Variants in ASCC3 observed in about 807,000 individuals in gnomAD.
The protein encoded by ASCC3 is ASC-1 complex subunit P200.
ASCC3 carries 158 observed loss-of-function variants against 256.3 expected under a neutral mutation model. That is an observed-to-expected ratio of 0.62 (90% CI 0.54 to 0.70). ASCC3 has a LOEUF of 0.70. ASCC3 is among the 30% of genes least tolerant of loss of function. ASCC3 has a pLI of 0.00. For missense variants in ASCC3, 2,259 were observed against 2,626.0 expected (o/e 0.86, Z 3.05); for synonymous variants, 948 against 883.4 (o/e 1.07, Z -1.30).
At chr6:100,535,853 G>A (rs1030851168) in intron 37 of ASCC3, among the ~76,000 whole-genome samples, 23 of 152,116 alleles carry the variant, frequency 1.5e-4, no homozygotes, top group African/African-American at 3.6e-4. Flanking sequence ...TGGTCAAAAC[G>A]AATGCTTATA....
chr6:100,814,566 C>T (rs530934951), intron 4 of ASCC3, among the ~76,000 whole-genome samples: 1 of 152,160 alleles, frequency 6.6e-6, no homozygotes, highest in African/African-American at 2.4e-5. Flanking sequence ...TGAAACCATC[C>T]AGTCCTGAGC....
rs75882581 is a variant in ASCC3 at position 100,574,472 on chromosome 6, C to T, written c.5550+15162G>A. 5.6e-3 allele frequency among the ~76,000 whole-genome samples: 853 copies of T among 152,048 alleles called. 11 individuals are homozygous for T. The highest frequency in any genetic ancestry group is 0.019 in the African/African-American group (806 of 41,492). On this transcript the variant is annotated intron_variant, in intron 36 of 41. Coordinates refer to ENST00000369162, the MANE Select transcript of ASCC3 (RefSeq NM_006828.4). ...TATTATTTTTCCATAGTAGTTGTGT[C>T]ATCTTGGGCAAGGTTGGGCCATTTT...
intron 11 of ASCC3, among the ~76,000 whole-genome samples, chr6:100,721,911 C>A (rs1398409941): frequency 6.6e-6 from 1 of 151,570 alleles, no homozygotes; most frequent in East Asian, 1.9e-4. Context: ...TTTGCCAAGG[C>A]CAGTGTCAAG....
chr6:100,629,155 G>A lies in ASCC3; in HGVS notation c.4235C>T (p.Thr1412Ile), dbSNP rs1413098165. ...CTTGGCAATGGATTTCATATCAGGA[G>A]TCACATCCCCTGTTAGTTCAATAAC... ...KKVIELTGDV[T>I]PDMKSIAKAD... Residue 1412 changes from threonine to isoleucine, a missense_variant, in exon 27 of 42, where the codon ACT becomes ATT. Around this residue, in one of 2 missense-constraint regions of ASCC3, gnomAD observed 1,839 missense variants for 2,206.7 expected, o/e 0.83. Transcript: ENST00000369162. The A allele has an allele frequency of 1.2e-6, 2 of 1,613,416 alleles. No homozygotes were observed. The highest frequency in any genetic ancestry group is 2.7e-5 in the African/African-American group (2 of 74,874).
At chr6:100,629,848 A>T (rs1007374549) in intron 26 of ASCC3, among the ~76,000 whole-genome samples, 6 of 152,112 alleles carry the variant, frequency 3.9e-5, no homozygotes, top group African/African-American at 1.4e-4. Context: ...ATTACATAGG[A>T]TTAGCTCTGG....
Position 100,532,402 on chromosome 6 carries a change from ATATATTTT to A in ASCC3, c.5775+7753_5775+7760del, listed in dbSNP as rs1346063269. Among the ~76,000 whole-genome samples the A allele has an allele frequency of 8.7e-3, 541 of 62,288 alleles. 1 individual carries two copies. The highest frequency in any genetic ancestry group is 0.017 in the African/African-American group (259 of 14,972). 40.9% of individuals were successfully genotyped at this position (62,288 alleles called of 152,430 possible). ...TGTATATATATATATATATATATAT[ATATATTTT>A]TTTTTTTTTTTTTTTTTAAATTACA... is the stretch of plus-strand genomic sequence containing the variant. On this transcript the variant is annotated intron_variant, in intron 37 of 41. Coordinates refer to ENST00000369162, the MANE Select transcript of ASCC3 (RefSeq NM_006828.4).
At chr6:100,744,053 C>G (rs1045842438) in intron 10 of ASCC3, among the ~76,000 whole-genome samples, 8 of 152,172 alleles carry the variant, frequency 5.3e-5, no homozygotes, top group African/African-American at 1.9e-4. Context: ...ATACACAGTA[C>G]TTTATCAAGC....
chr6:100,622,980 T>C (rs981343251), intron 30 of ASCC3, among the ~76,000 whole-genome samples: 5 of 152,062 alleles, frequency 3.3e-5, no homozygotes, highest in African/African-American at 1.2e-4. Context: ...TCCCAAAGTG[T>C]GTTTGGTAGG....
At chr6:100,540,084 A>G in intron 37 of ASCC3, 79 bp downstream of exon 37, 2 of 1,344,436 alleles carry the variant, frequency 1.5e-6, no homozygotes, top group South Asian at 1.2e-5. Flanking sequence ...ATGCAAGTAC[A>G]TTTTATCCTA....
chr6:100,569,816 A>G (rs1330061368), intron 36 of ASCC3, among the ~76,000 whole-genome samples: 1 of 152,194 alleles, frequency 6.6e-6, no homozygotes, highest in African/African-American at 2.4e-5. Flanking sequence ...CAATTCTGTG[A>G]AAAATGACAT....
chr6:100,873,502 A>G (rs1773850123), intron 1 of ASCC3, among the ~76,000 whole-genome samples: 1 of 152,202 alleles, frequency 6.6e-6, no homozygotes, highest in South Asian at 2.1e-4. Flanking sequence ...AGACCTAGAC[A>G]ATCAAATACA....
intron 10 of ASCC3, among the ~76,000 whole-genome samples, chr6:100,764,046 A>G (rs1238910767): frequency 6.6e-6 from 1 of 152,192 alleles, no homozygotes; most frequent in African/African-American, 2.4e-5. Flanking sequence ...AGTTGCACAT[A>G]TGCATTTAGC....
At chr6:100,582,452 G>T (rs1302791206) in intron 36 of ASCC3, among the ~76,000 whole-genome samples, 1 of 151,398 alleles carries the variant, frequency 6.6e-6, no homozygotes, top group Non-Finnish European at 1.5e-5. Context: ...CTGAGACTTT[G>T]CTGAAGTTGC....
chr6:100,737,841 A>G (rs1374555265), intron 10 of ASCC3, among the ~76,000 whole-genome samples: 1 of 152,158 alleles, frequency 6.6e-6, no homozygotes, highest in African/African-American at 2.4e-5. Context: ...TTACACTTCC[A>G]CCAACAGTGT....
intron 40 of ASCC3, 31 bp downstream of exon 40, chr6:100,512,678 A>T: frequency 6.2e-7 from 1 of 1,605,236 alleles, no homozygotes; most frequent in Non-Finnish European, 8.5e-7. Context: ...TTTGGTGTGA[A>T]ATATTTGAGA....
intron 3 of ASCC3, among the ~76,000 whole-genome samples, chr6:100,854,888 GA>G (rs1454968465): frequency 6.6e-6 from 1 of 151,858 alleles, no homozygotes; most frequent in African/African-American, 2.4e-5. Context: ...AACATCCAAG[GA>G]AAAACAAACA....
chr6:100,647,766 G>T (rs79773753), intron 20 of ASCC3, among the ~76,000 whole-genome samples: 2,140 of 152,160 alleles, frequency 0.014, 40 homozygotes, highest in African/African-American at 0.049. Flanking sequence ...TTAGGAGGCT[G>T]TTAAGGCATC....
intron 33 of ASCC3, among the ~76,000 whole-genome samples, chr6:100,602,914 T>C (rs1460777686): frequency 2.0e-5 from 3 of 152,098 alleles, no homozygotes; most frequent in Non-Finnish European, 4.4e-5. Context: ...AAAATAGTTA[T>C]AATAAGTTGA....
At chr6:100,609,974 C>T (rs1481155457) in intron 30 of ASCC3, among the ~76,000 whole-genome samples, 2 of 152,072 alleles carry the variant, frequency 1.3e-5, no homozygotes, top group Non-Finnish European at 2.9e-5. Flanking sequence ...GTCCTTGAAG[C>T]AGAGGATAAC....
Sources: allele counts gnomAD v4.1 joint callset (sites outside exome capture counted in the v4.1 genomes callset), GRCh38; gene constraint gnomAD v4.1.1; regional missense constraint gnomAD v4.1.1; transcripts MANE v1.5; gene names NCBI Gene and HGNC (gene_info 2026-07-23, HGNC 2026-07-21).